Variants in VEPH1 observed in about 807,000 individuals in gnomAD.
VEPH1 encodes the protein ventricular zone expressed PH domain containing 1.
In VEPH1, 80 loss-of-function variants were observed where a neutral mutation model predicts 85.2. The ratio of observed to expected loss-of-function variants is 0.94; its 90% CI spans 0.78 to 1.13. The LOEUF (loss-of-function observed/expected upper bound fraction) is 1.13, where lower values mean the gene tolerates loss of function less well. Among genes scored for constraint, VEPH1 ranks in the 50% most tolerant of loss-of-function variants. The probability of loss-of-function intolerance (pLI) is 0.00; values close to 1 mark genes in which losing one functional copy is unlikely to be tolerated. For missense variants in VEPH1, 955 were observed against 980.5 expected (o/e 0.97, Z 0.35); for synonymous variants, 297 against 348.0 (o/e 0.85, Z 1.63).
At chr3:157,494,114 C>T (rs147615910) in intron 2 of VEPH1, among the ~76,000 whole-genome samples, 47 of 152,270 alleles carry the variant, frequency 3.1e-4, no homozygotes, top group African/African-American at 9.4e-4. Context: ...GTTTTTTGAG[C>T]AGTGACTTCA....
At chr3:157,339,802 G>A (rs562604950) in intron 9 of VEPH1, among the ~76,000 whole-genome samples, 1 of 152,136 alleles carries the variant, frequency 6.6e-6, no homozygotes, top group South Asian at 2.1e-4. Flanking sequence ...CTCACTGATT[G>A]TGCCTAAACC....
chr3:157,382,957 A>G (rs1014482751), intron 6 of VEPH1, among the ~76,000 whole-genome samples: 2 of 151,994 alleles, frequency 1.3e-5, no homozygotes, highest in Non-Finnish European at 2.9e-5. Context: ...TCAGTCTCCT[A>G]TGTAGGTGCA....
At chr3:157,283,579 G>A (rs762027247) in intron 12 of VEPH1, among the ~76,000 whole-genome samples, 1 of 152,196 alleles carries the variant, frequency 6.6e-6, no homozygotes, top group Non-Finnish European at 1.5e-5. Flanking sequence ...ATGGTGATGA[G>A]ACTTACTTGA....
intron 11 of VEPH1, among the ~76,000 whole-genome samples, chr3:157,296,880 C>G (rs1427956130): frequency 6.6e-6 from 1 of 152,210 alleles, no homozygotes; most frequent in East Asian, 1.9e-4. Context: ...TATAAAATGA[C>G]TTTGATTCCT....
intron 11 of VEPH1, among the ~76,000 whole-genome samples, chr3:157,297,962 T>G (rs1045589759): frequency 6.6e-6 from 1 of 151,946 alleles, no homozygotes; most frequent in Non-Finnish European, 1.5e-5. Flanking sequence ...AGGATGATAA[T>G]GAGGTACCCA....
intron 4 of VEPH1, among the ~76,000 whole-genome samples, chr3:157,428,819 T>C (rs1193638977): frequency 6.6e-6 from 1 of 152,122 alleles, no homozygotes; most frequent in Non-Finnish European, 1.5e-5. Context: ...TTCCTGATGA[T>C]AAACAAAATT....
At chr3:157,454,208 G>A (rs544455199) in intron 4 of VEPH1, among the ~76,000 whole-genome samples, 1 of 152,152 alleles carries the variant, frequency 6.6e-6, no homozygotes, top group East Asian at 1.9e-4. Flanking sequence ...GCTTTTATGG[G>A]CTTTAAGCAA....
chr3:157,467,072 G>A (rs1029195400), intron 3 of VEPH1, among the ~76,000 whole-genome samples: 11 of 151,944 alleles, frequency 7.2e-5, no homozygotes, highest in East Asian at 5.8e-4. Context: ...AGGTTTGAGC[G>A]TAGGCCGACA....
chr3:157,398,363 C>T (rs1440789832), intron 6 of VEPH1, among the ~76,000 whole-genome samples: 3 of 152,114 alleles, frequency 2.0e-5, no homozygotes, highest in Admixed American at 6.5e-5. Flanking sequence ...CGACCAGGAG[C>T]GGTGGCTCAA....
At chr3:157,341,022 G>T (rs970790027) in intron 9 of VEPH1, among the ~76,000 whole-genome samples, 1 of 152,160 alleles carries the variant, frequency 6.6e-6, no homozygotes, top group African/African-American at 2.4e-5. Flanking sequence ...AACCCCGTCT[G>T]TACATCACCA....
At chr3:157,414,153 T>G in intron 5 of VEPH1, 63 bp from the exon 6 acceptor site, 1 of 1,335,492 alleles carries the variant, frequency 7.5e-7, no homozygotes, top group Non-Finnish European at 1.0e-6. Flanking sequence ...TTAATTAAAT[T>G]GGAATTAATT....
chr3:157,286,210 G>A (rs1577240462), intron 12 of VEPH1: 2 of 224,872 alleles, frequency 8.9e-6, no homozygotes, highest in South Asian at 1.4e-4. Context: ...CTCATTTAGT[G>A]TGGTCTCATT....
At chr3:157,276,841 T>C (rs1266676818) in intron 12 of VEPH1, among the ~76,000 whole-genome samples, 1 of 151,988 alleles carries the variant, frequency 6.6e-6, no homozygotes, top group Non-Finnish European at 1.5e-5. Context: ...TGCTGTGCAA[T>C]GACTGATAGA....
At chr3:157,315,070 A>G (rs1029502741) in intron 10 of VEPH1, among the ~76,000 whole-genome samples, 3 of 152,106 alleles carry the variant, frequency 2.0e-5, no homozygotes, top group Admixed American at 6.5e-5. Flanking sequence ...TCCTTTATGT[A>G]TAATGTATAA....
intron 7 of VEPH1, among the ~76,000 whole-genome samples, chr3:157,378,361 A>G (rs1171725916): frequency 4.3e-5 from 5 of 115,538 alleles, no homozygotes; most frequent in Non-Finnish European, 5.2e-5. Flanking sequence ...TATATATAGT[A>G]GTGATTCTCA....
chr3:157,470,232 TG>T (rs1736794892), intron 3 of VEPH1, 81 bp downstream of exon 3: 1 of 1,276,750 alleles, frequency 7.8e-7, no homozygotes, highest in Admixed American at 1.9e-5. Context: ...GCAGAAGCAT[TG>T]GCTCTTGGTT....
At chr3:157,290,545 G>A (rs1682513478) in intron 11 of VEPH1, among the ~76,000 whole-genome samples, 2 of 152,162 alleles carry the variant, frequency 1.3e-5, no homozygotes, top group Admixed American at 1.3e-4. Context: ...CTCCATGAAA[G>A]TGATGATTCT....
rs143866840 is a variant in VEPH1, at chr3:157,294,919, T to A, written c.2011-8245A>T. On this transcript the variant is annotated intron_variant, in intron 11 of 13. Transcript: ENST00000362010. ...GAGACCCAGGATATAGGAGCTTGGG[T>A]TGTCAAGCTGGAGACATTAGTCTTC... Among the ~76,000 whole-genome samples the A allele has an allele frequency of 2.1e-3, 318 of 152,286 alleles. 2 individuals are homozygous for A. The highest frequency in any genetic ancestry group is 3.7e-3 in the Non-Finnish European group (254 of 68,016).
chr3:157,489,885 A>G (rs1352611062), intron 2 of VEPH1, among the ~76,000 whole-genome samples: 1 of 152,064 alleles, frequency 6.6e-6, no homozygotes, highest in Admixed American at 6.6e-5. Context: ...ATCACCATAC[A>G]AGAATCATTT....
Sources: allele counts gnomAD v4.1 joint callset (sites outside exome capture counted in the v4.1 genomes callset), GRCh38; gene constraint gnomAD v4.1.1; transcripts MANE v1.5; gene names NCBI Gene and HGNC (gene_info 2026-07-23, HGNC 2026-07-21).